Variants in MDFIC2 observed in about 807,000 individuals in gnomAD.
MDFIC2 encodes the protein MyoD family inhibitor domain containing 2.
intron 2 of MDFIC2, among the ~76,000 whole-genome samples, chr3:70,215,446 G>T (rs1701399795): frequency 6.6e-6 from 1 of 152,020 alleles, no homozygotes. Context: ...GCTGGTATTT[G>T]ATTAGGAGGT....
chr3:70,212,463 C>T (rs896228652), intron 2 of MDFIC2, among the ~76,000 whole-genome samples: 3 of 152,074 alleles, frequency 2.0e-5, no homozygotes, highest in African/African-American at 7.2e-5. Context: ...TATTATTTGA[C>T]TGGCCCTGTC....
At chr3:70,274,724 C>A (rs1223794205) in intron 2 of MDFIC2, among the ~76,000 whole-genome samples, 1 of 152,072 alleles carries the variant, frequency 6.6e-6, no homozygotes, top group Non-Finnish European at 1.5e-5. Context: ...TGTAACAAAC[C>A]TGCACATCCT....
chr3:70,211,145 G>A (rs558943129), intron 2 of MDFIC2, among the ~76,000 whole-genome samples: 1 of 152,002 alleles, frequency 6.6e-6, no homozygotes, highest in Admixed American at 6.6e-5. Context: ...TTCTATTCTT[G>A]TTTCTTCCTT....
chr3:70,302,075 G>A lies in MDFIC2; in HGVS notation c.88+9811C>T, dbSNP rs112320723. Among the ~76,000 whole-genome samples the A allele has an allele frequency of 2.9e-3, 439 of 152,202 alleles. 2 individuals are homozygous for A. The highest frequency in any genetic ancestry group is 0.01 in the African/African-American group (417 of 41,562). ...GTCTTATTTAATACTATACTTCTATGAGTTGTCCTCTCTACTTTTTCTTGA... is the reference window on the plus strand; with the variant it reads ...GTCTTATTTAATACTATACTTCTATAAGTTGTCCTCTCTACTTTTTCTTGA... On this transcript the variant is annotated intron_variant, in intron 2 of 3. Transcript: ENST00000567252.
intron 2 of MDFIC2, among the ~76,000 whole-genome samples, chr3:70,286,782 A>G (rs78143700): frequency 0.064 from 9,719 of 151,872 alleles, 882 homozygotes; most frequent in East Asian, 0.48. Flanking sequence ...CACATCCCTT[A>G]TAAGTTGGAT....
At chr3:70,234,345 T>C (rs1285794045) in intron 2 of MDFIC2, among the ~76,000 whole-genome samples, 1 of 152,172 alleles carries the variant, frequency 6.6e-6, no homozygotes, top group African/African-American at 2.4e-5. Context: ...AAGCAAACAG[T>C]ACTGATAAAA....
chr3:70,258,847 T>C (rs1170409722), intron 2 of MDFIC2, among the ~76,000 whole-genome samples: 1 of 152,286 alleles, frequency 6.6e-6, no homozygotes, highest in East Asian at 1.9e-4. Context: ...GAGCAGGTGA[T>C]GACCCTATGA....
chr3:70,288,752 G>A (rs544370128), intron 2 of MDFIC2, among the ~76,000 whole-genome samples: 2 of 151,778 alleles, frequency 1.3e-5, no homozygotes, highest in Admixed American at 6.6e-5. Context: ...CCTGTGTTGG[G>A]TGCATATATA....
At chr3:70,259,381 A>G (rs1027733023) in intron 2 of MDFIC2, among the ~76,000 whole-genome samples, 1 of 152,094 alleles carries the variant, frequency 6.6e-6, no homozygotes, top group Non-Finnish European at 1.5e-5. Flanking sequence ...AGAAATCACA[A>G]CATGGAATTC....
At chr3:70,265,147 C>T (rs946360965) in intron 2 of MDFIC2, among the ~76,000 whole-genome samples, 3 of 152,102 alleles carry the variant, frequency 2.0e-5, no homozygotes, top group African/African-American at 7.2e-5. Context: ...ATGGGAGCTA[C>T]AATTCAAGAT....
intron 2 of MDFIC2, among the ~76,000 whole-genome samples, chr3:70,251,527 C>T (rs1255639340): frequency 1.3e-5 from 2 of 152,216 alleles, no homozygotes; most frequent in African/African-American, 4.8e-5. Context: ...CATAGCCTTG[C>T]TCTGGCCTCA....
intron 2 of MDFIC2, among the ~76,000 whole-genome samples, 163 bp from the exon 3 acceptor site, chr3:70,206,953 AAAG>A (rs1470915250): frequency 6.6e-6 from 1 of 152,086 alleles, no homozygotes; most frequent in African/African-American, 2.4e-5. Context: ...AAAATATGAG[AAAG>A]AAGAGTGCAA....
intron 2 of MDFIC2, among the ~76,000 whole-genome samples, chr3:70,257,022 T>G (rs753635686): frequency 6.6e-6 from 1 of 152,120 alleles, no homozygotes; most frequent in Non-Finnish European, 1.5e-5. Flanking sequence ...GGAGAGAATA[T>G]CATAATAATT....
chr3:70,297,786 AG>A (rs1361034665), intron 2 of MDFIC2, among the ~76,000 whole-genome samples: 1 of 152,066 alleles, frequency 6.6e-6, no homozygotes, highest in Non-Finnish European at 1.5e-5. Context: ...CTAAAGAAAA[AG>A]CTTAAACTAA....
chr3:70,195,193 C>T lies in MDFIC2; in HGVS notation c.*1733G>A, dbSNP rs1181623342. 6.6e-6 allele frequency among the ~76,000 whole-genome samples: 1 copy of T among 152,178 alleles called. No individual in the cohort carries two copies. The highest frequency in any genetic ancestry group is 1.5e-5 in the Non-Finnish European group (1 of 68,026). ...GGTTGCATAAGAACAGCCTTATGTT[C>T]CCTTCCTGTTCTAGGAATCTATTTT... On this transcript the variant is annotated 3_prime_UTR_variant, in exon 4 of 4. Transcript: ENST00000567252.
chr3:70,244,203 G>A (rs1028901910), intron 2 of MDFIC2, among the ~76,000 whole-genome samples: 3 of 152,122 alleles, frequency 2.0e-5, no homozygotes, highest in Non-Finnish European at 4.4e-5. Flanking sequence ...ATTTTAACAA[G>A]ATGCTTCCTT....
chr3:70,254,656 T>G (rs1308770894), intron 2 of MDFIC2, among the ~76,000 whole-genome samples: 1 of 152,200 alleles, frequency 6.6e-6, no homozygotes, highest in East Asian at 1.9e-4. Context: ...AGAAGTTTAC[T>G]ATTTAAGTTT....
intron 2 of MDFIC2, among the ~76,000 whole-genome samples, chr3:70,268,579 G>A (rs1701946123): frequency 6.6e-6 from 1 of 151,940 alleles, no homozygotes; most frequent in Non-Finnish European, 1.5e-5. Flanking sequence ...TCACATTCGG[G>A]TTCACTCTGG....
chr3:70,273,517 T>C (rs868181601), intron 2 of MDFIC2, among the ~76,000 whole-genome samples: 3 of 152,080 alleles, frequency 2.0e-5, no homozygotes, highest in Non-Finnish European at 4.4e-5. Flanking sequence ...GATAATACAG[T>C]TATATCACCT....
Sources: gnomAD v4.1 joint callset for allele counts (sites outside exome capture counted in the v4.1 genomes callset) on GRCh38, gnomAD v4.1.1 for gene constraint, MANE v1.5 for transcripts, NCBI Gene and HGNC (gene_info 2026-07-23, HGNC 2026-07-21) for gene names.